Variants in ADAMTS6 observed in about 807,000 individuals in gnomAD.
ADAMTS6 encodes A disintegrin and metalloproteinase with thrombospondin motifs 6.
ADAMTS6 carries 23 observed loss-of-function variants against 144.3 expected under a neutral mutation model. That is an observed-to-expected ratio of 0.16 (90% CI 0.11 to 0.23). The LOEUF (loss-of-function observed/expected upper bound fraction) is 0.23. ADAMTS6 is among the 10% of genes least tolerant of loss of function. ADAMTS6 has a pLI of 1.00. For synonymous variants in ADAMTS6, 444 were observed against 457.5 expected (o/e 0.97, Z 0.38); for missense variants, 999 against 1,379.6 (o/e 0.72, Z 4.37).
At chr5:65,239,601 A>G (rs1451688943) in intron 15 of ADAMTS6, among the ~76,000 whole-genome samples, 2 of 152,196 alleles carry the variant, frequency 1.3e-5, no homozygotes, top group African/African-American at 4.8e-5. Flanking sequence ...TAAAAACACC[A>G]TTTAAAAAGC....
At chr5:65,389,549 A>G (rs542991582) in intron 7 of ADAMTS6, among the ~76,000 whole-genome samples, 1 of 151,708 alleles carries the variant, frequency 6.6e-6, no homozygotes, top group East Asian at 1.9e-4. Context: ...ATATTGGAGG[A>G]TATGAGAGTA....
chr5:65,264,777 G>A (rs1409262271), intron 12 of ADAMTS6, among the ~76,000 whole-genome samples: 3 of 152,004 alleles, frequency 2.0e-5, no homozygotes, highest in African/African-American at 4.8e-5. Flanking sequence ...ACCACAAAAC[G>A]TTTTATTGGA....
At chr5:65,405,068 G>A (rs1371729368) in intron 7 of ADAMTS6, among the ~76,000 whole-genome samples, 2 of 152,102 alleles carry the variant, frequency 1.3e-5, no homozygotes, top group African/African-American at 4.8e-5. Flanking sequence ...TGAGTAGATT[G>A]CAAAAATTTT....
intron 7 of ADAMTS6, among the ~76,000 whole-genome samples, chr5:65,389,746 A>C (rs1194465137): frequency 1.3e-5 from 2 of 152,006 alleles, no homozygotes; most frequent in Non-Finnish European, 2.9e-5. Flanking sequence ...GTTCCTGGTA[A>C]TAATTGGGAG....
At chr5:65,350,930 G>A (rs1182958456) in intron 7 of ADAMTS6, among the ~76,000 whole-genome samples, 1 of 152,150 alleles carries the variant, frequency 6.6e-6, no homozygotes, top group East Asian at 1.9e-4. Flanking sequence ...TTACAAGTGT[G>A]AGCCACTGAA....
At chr5:65,346,954 T>TAA (rs775552796) in intron 7 of ADAMTS6, among the ~76,000 whole-genome samples, 2 of 142,046 alleles carry the variant, frequency 1.4e-5, no homozygotes, top group Admixed American at 7.0e-5. Context: ...ACAATACCAT[T>TAA]AAAAAAAAAA....
chr5:65,317,422 T>G (rs79935094), intron 9 of ADAMTS6, among the ~76,000 whole-genome samples: 7,444 of 152,272 alleles, frequency 0.049, 626 homozygotes, highest in African/African-American at 0.17. Context: ...ATTAAACACT[T>G]AATTAAACCT....
At chr5:65,271,394 A>C (rs995054151) in intron 12 of ADAMTS6, among the ~76,000 whole-genome samples, 2 of 151,866 alleles carry the variant, frequency 1.3e-5, no homozygotes, top group African/African-American at 2.4e-5. Flanking sequence ...AAAAAAAAAA[A>C]AAAACACAAA....
At chr5:65,381,921 T>G in intron 7 of ADAMTS6, among the ~76,000 whole-genome samples, 1 of 152,334 alleles carries the variant, frequency 6.6e-6, no homozygotes, top group Middle Eastern at 3.4e-3. Context: ...TTCAAATTAG[T>G]ATTTGTGGAA....
At chr5:65,398,758 AG>A (rs1221323635) in intron 7 of ADAMTS6, among the ~76,000 whole-genome samples, 17 of 150,252 alleles carry the variant, frequency 1.1e-4, no homozygotes, top group African/African-American at 3.2e-4. Context: ...AGAGAGAAAG[AG>A]AGAGAGAGAA....
chr5:65,471,258 A>G lies in ADAMTS6; in HGVS notation c.98-116T>C, dbSNP rs568801628. On this transcript the variant is annotated intron_variant, in intron 2 of 24. Transcript: ENST00000381055. ...ACTATGTCAATTAAAACTATGAATC[A>G]TTATATGTGAGGTATGTACAAAAAA... The G allele has an allele frequency of 3.1e-4, 320 of 1,028,682 alleles. 2 individuals are homozygous for G. The highest frequency in any genetic ancestry group is 4.1e-4 in the Non-Finnish European group (306 of 747,502). The allele number at this position is 1,028,682 out of a possible 1,614,324, so 63.7% of individuals were successfully genotyped here.
intron 8 of ADAMTS6, among the ~76,000 whole-genome samples, chr5:65,332,524 A>G (rs901967533): frequency 6.6e-5 from 10 of 151,924 alleles, no homozygotes; most frequent in African/African-American, 2.4e-4. Flanking sequence ...ATGGGGGGTA[A>G]GTTTAAAAGA....
At chr5:65,419,299 C>T (rs1235224026) in intron 7 of ADAMTS6, among the ~76,000 whole-genome samples, 1 of 152,054 alleles carries the variant, frequency 6.6e-6, no homozygotes, top group Non-Finnish European at 1.5e-5. Flanking sequence ...TGCAGGAACA[C>T]AAAACTAAAC....
chr5:65,299,730 C>G (rs1743181044), intron 10 of ADAMTS6, among the ~76,000 whole-genome samples: 1 of 152,044 alleles, frequency 6.6e-6, no homozygotes, highest in Non-Finnish European at 1.5e-5. Flanking sequence ...AATTGTCTCC[C>G]ATTTATTAAA....
intron 7 of ADAMTS6, among the ~76,000 whole-genome samples, chr5:65,441,874 G>A (rs1757885982): frequency 1.3e-5 from 2 of 150,428 alleles, no homozygotes; most frequent in African/African-American, 4.9e-5. Flanking sequence ...ACATTAGAAA[G>A]TATTTTGAAC....
At chr5:65,271,535 G>A (rs774251483) in intron 12 of ADAMTS6, among the ~76,000 whole-genome samples, 8 of 151,610 alleles carry the variant, frequency 5.3e-5, no homozygotes, top group South Asian at 2.1e-4. Flanking sequence ...TCATATATAC[G>A]CACATATATG....
intron 7 of ADAMTS6, among the ~76,000 whole-genome samples, chr5:65,348,812 C>A (rs751614700): frequency 6.6e-6 from 1 of 150,606 alleles, no homozygotes; most frequent in African/African-American, 2.4e-5. Context: ...TGTCAATATA[C>A]AATAAAAACA....
chr5:65,290,279 A>G (rs548165808), intron 11 of ADAMTS6, among the ~76,000 whole-genome samples: 2 of 152,290 alleles, frequency 1.3e-5, no homozygotes, highest in South Asian at 2.1e-4. Context: ...GGCCAGGCGC[A>G]GTGGCTCACA....
intron 7 of ADAMTS6, 97 bp from the exon 8 acceptor site, chr5:65,334,182 A>C (rs1747078728): frequency 1.5e-6 from 2 of 1,297,964 alleles, no homozygotes; most frequent in Admixed American, 5.6e-5. Context: ...GTCAGACCAC[A>C]ATTAATGCAA....
Sources: gnomAD v4.1 joint callset for allele counts (sites outside exome capture counted in the v4.1 genomes callset) on GRCh38, gnomAD v4.1.1 for gene constraint, MANE v1.5 for transcripts, NCBI Gene and HGNC (gene_info 2026-07-23, HGNC 2026-07-21) for gene names.